MMD2: variants seen among roughly 807,000 people sequenced by gnomAD.
MMD2 encodes monocyte to macrophage differentiation factor 2.
In MMD2, 30 loss-of-function variants were observed where a neutral mutation model predicts 33.5. The observed-to-expected ratio is 0.90, with a 90% CI of 0.67 to 1.22. MMD2 has a LOEUF of 1.22. Ranked by LOEUF, MMD2 falls within the 50% of genes most tolerant of loss-of-function variation. MMD2 has a pLI of 0.00. For synonymous variants in MMD2, 129 were observed against 123.0 expected (o/e 1.05, Z -0.32); for missense variants, 364 against 325.4 (o/e 1.12, Z -0.91).
chr7:4,920,115 G>A (rs1785238107), intron 3 of MMD2, 56 bp downstream of exon 3: 1 of 1,527,654 alleles, frequency 6.5e-7, no homozygotes, highest in African/African-American at 1.4e-5. Context: ...GGGCTGCCAT[G>A]GGTCCCCCTG....
intron 1 of MMD2, among the ~76,000 whole-genome samples, chr7:4,944,739 C>G (rs1456732601): frequency 7.0e-6 from 1 of 142,868 alleles, no homozygotes; most frequent in Non-Finnish European, 1.5e-5. Context: ...TTTCTTTTTT[C>G]TCTTTCTTCT....
At chr7:4,919,652 G>A (rs908161042) in intron 3 of MMD2, among the ~76,000 whole-genome samples, 5 of 152,148 alleles carry the variant, frequency 3.3e-5, no homozygotes, top group African/African-American at 7.2e-5. Flanking sequence ...TTGGGAGGCC[G>A]AGGTGGGTGG....
intron 1 of MMD2, among the ~76,000 whole-genome samples, 185 bp downstream of exon 1, chr7:4,958,786 G>C (rs1327199223): frequency 6.6e-6 from 1 of 152,128 alleles, no homozygotes; most frequent in Non-Finnish European, 1.5e-5. Context: ...GGGCGCCCCG[G>C]TTACTCCATC....
At chr7:4,943,636 T>C (rs1562492988) in intron 1 of MMD2, among the ~76,000 whole-genome samples, 1 of 152,132 alleles carries the variant, frequency 6.6e-6, no homozygotes, top group Non-Finnish European at 1.5e-5. Flanking sequence ...GCCAGCATGT[T>C]AGCCCTGCAG....
chr7:4,894,281 G>A, the MMD2 span, among the ~76,000 whole-genome samples: 3 of 152,196 alleles, frequency 2.0e-5, no homozygotes, highest in Non-Finnish European at 4.4e-5. The surrounding 1 kb of genome is among the most constrained non-coding windows in gnomAD (Gnocchi z 4.3). Flanking sequence ...GCCACATGGG[G>A]AAGTCCAGGC....
intron 2 of MMD2, among the ~76,000 whole-genome samples, chr7:4,922,835 G>A (rs1043358986): frequency 3.3e-5 from 5 of 152,110 alleles, no homozygotes; most frequent in Admixed American, 6.6e-5. Context: ...GTGAGCACAG[G>A]ACATGTCCTC....
At chr7:4,953,415 G>T (rs1786302071) in intron 1 of MMD2, among the ~76,000 whole-genome samples, 2 of 148,336 alleles carry the variant, frequency 1.3e-5, no homozygotes, top group African/African-American at 5.0e-5. Flanking sequence ...CTTTACACTG[G>T]CAACTAGATG....
chr7:4,933,645 T>C (rs78954893), intron 1 of MMD2, among the ~76,000 whole-genome samples: 1 of 140,712 alleles, frequency 7.1e-6, no homozygotes, highest in African/African-American at 2.7e-5. Flanking sequence ...AATAAATGCA[T>C]TTTTTTTTTT....
chr7:4,937,716 C>T (rs961776901), intron 1 of MMD2, among the ~76,000 whole-genome samples: 2 of 152,148 alleles, frequency 1.3e-5, no homozygotes, highest in African/African-American at 4.8e-5. Context: ...CCATGTTGCC[C>T]AGGCTGGTCT....
At chr7:4,937,333 G>T (rs1336648295) in intron 1 of MMD2, among the ~76,000 whole-genome samples, 1 of 151,508 alleles carries the variant, frequency 6.6e-6, no homozygotes, top group Admixed American at 6.6e-5. Flanking sequence ...GGAGGTGGAG[G>T]TTGCAGTGAG....
chr7:4,897,690 C>T, the MMD2 span, among the ~76,000 whole-genome samples: 1 of 152,130 alleles, frequency 6.6e-6, no homozygotes. Flanking sequence ...AGTAGCCCTT[C>T]CAACACTGGG....
At chr7:4,924,365 C>T (rs1466292240) in intron 2 of MMD2, among the ~76,000 whole-genome samples, 1 of 152,210 alleles carries the variant, frequency 6.6e-6, no homozygotes, top group Non-Finnish European at 1.5e-5. Flanking sequence ...TCTAACAGGT[C>T]AGGGCGGGGG....
At chr7:4,938,591 G>A (rs946906232) in intron 1 of MMD2, among the ~76,000 whole-genome samples, 1 of 152,078 alleles carries the variant, frequency 6.6e-6, no homozygotes, top group Non-Finnish European at 1.5e-5. Context: ...CTGTTACAAC[G>A]GGGATCAAGT....
At chr7:4,913,806 T>C (rs1024897835) in intron 4 of MMD2, among the ~76,000 whole-genome samples, 1 of 147,554 alleles carries the variant, frequency 6.8e-6, no homozygotes, top group Non-Finnish European at 1.5e-5. Flanking sequence ...GGACCACAGG[T>C]GCCTGCCACC....
chr7:4,903,073 A>G (rs145036871), downstream of MMD2, among the ~76,000 whole-genome samples: 653 of 152,242 alleles, frequency 4.3e-3, 9 homozygotes, highest in African/African-American at 0.015. Flanking sequence ...CCCTGTCTCT[A>G]CTAAAAATAC....
At chr7:4,914,666 C>T (rs1441436529) in intron 4 of MMD2, among the ~76,000 whole-genome samples, 3 of 151,998 alleles carry the variant, frequency 2.0e-5, no homozygotes, top group South Asian at 2.1e-4. Context: ...CACGGTGGCT[C>T]GCACCTGTAA....
chr7:4,932,371 G>A (rs1201768610), intron 1 of MMD2, among the ~76,000 whole-genome samples: 1 of 151,978 alleles, frequency 6.6e-6, no homozygotes, highest in Non-Finnish European at 1.5e-5. Context: ...CCTCTAGTCA[G>A]GCATTTTAAG....
intron 6 of MMD2, 28 bp from the exon 7 acceptor site, chr7:4,907,627 A>T (rs779375240): frequency 6.2e-7 from 1 of 1,609,304 alleles, no homozygotes; most frequent in Non-Finnish European, 8.5e-7. Context: ...GGTGGGGCAC[A>T]GGTCAGAGGG....
At chr7:4,911,394 C>T (rs1469326163) in intron 4 of MMD2, 148 bp from the exon 5 acceptor site, 14 of 607,958 alleles carry the variant, frequency 2.3e-5, no homozygotes, top group South Asian at 5.9e-5. Context: ...CACAGGAAGA[C>T]GGGTGAACAG....
Sources: gnomAD v4.1 joint callset for allele counts (sites outside exome capture counted in the v4.1 genomes callset) on GRCh38, gnomAD v4.1.1 for gene constraint, Gnocchi (gnomAD v3.1) non-coding constraint, MANE v1.5 for transcripts, NCBI Gene and HGNC (gene_info 2026-07-23, HGNC 2026-07-21) for gene names.